Variants in FRMD4B observed in about 807,000 individuals in gnomAD.
The protein encoded by FRMD4B is FERM domain containing 4B.
FRMD4B carries 74 observed loss-of-function variants against 141.5 expected under a neutral mutation model. The ratio of observed to expected loss-of-function variants is 0.52; its 90% CI spans 0.43 to 0.63. The LOEUF (loss-of-function observed/expected upper bound fraction) is 0.63, where lower values mean the gene tolerates loss of function less well. FRMD4B is among the 30% of genes least tolerant of loss of function. The pLI is 0.00. For missense variants in FRMD4B, 1,366 were observed against 1,253.4 expected (o/e 1.09, Z -1.36); for synonymous variants, 506 against 467.9 (o/e 1.08, Z -1.05).
intron 2 of FRMD4B, among the ~76,000 whole-genome samples, chr3:69,391,355 T>C (rs1704379213): frequency 6.6e-6 from 1 of 151,788 alleles, no homozygotes; most frequent in African/African-American, 2.4e-5. Context: ...CCCATTAACT[T>C]GTCCTTTACA....
Position 69,317,799 on chromosome 3 carries a change from G to A in FRMD4B, c.163-4282C>T, listed in dbSNP as rs1229422717. On this transcript the variant is annotated intron_variant, in intron 1 of 22. Transcript: ENST00000398540. Reference sequence around the variant, plus strand: ...AAAAAGGAGGCAAGAGAAATCATGCGGCCTAAGAAGACAAGCTTAACAGAT... The same window carrying A: ...AAAAAGGAGGCAAGAGAAATCATGCAGCCTAAGAAGACAAGCTTAACAGAT... 2.0e-5 allele frequency among the ~76,000 whole-genome samples: 3 copies of A among 149,202 alleles called. No homozygotes were observed. In the Admixed American group the frequency reaches 2.0e-4, roughly 10 times the overall value.
At chr3:69,412,764 G>T (rs1299348610) in intron 2 of FRMD4B, among the ~76,000 whole-genome samples, 2 of 151,426 alleles carry the variant, frequency 1.3e-5, no homozygotes, top group Non-Finnish European at 2.9e-5. Flanking sequence ...GTCATGTTGA[G>T]TGCTAAAGCT....
intron 1 of FRMD4B, among the ~76,000 whole-genome samples, chr3:69,381,667 G>A (rs1704123679): frequency 6.6e-6 from 1 of 152,174 alleles, no homozygotes; most frequent in African/African-American, 2.4e-5. Context: ...GGATAGCAAA[G>A]GGGTAATCTT....
At chr3:69,505,916 G>GAT (rs942267338) in intron 1 of FRMD4B, among the ~76,000 whole-genome samples, 3 of 152,156 alleles carry the variant, frequency 2.0e-5, no homozygotes, top group Non-Finnish European at 4.4e-5. Flanking sequence ...GTGAATCCTG[G>GAT]ATAATGTTTA....
intron 1 of FRMD4B, among the ~76,000 whole-genome samples, chr3:69,511,841 T>G (rs1706694595): frequency 6.6e-6 from 1 of 152,218 alleles, no homozygotes; most frequent in Non-Finnish European, 1.5e-5. Flanking sequence ...CCTGCACAGG[T>G]GTTTTCCCTC....
chr3:69,530,930 G>A (rs1434072638), intron 1 of FRMD4B, among the ~76,000 whole-genome samples: 6 of 152,130 alleles, frequency 3.9e-5, no homozygotes, highest in Non-Finnish European at 7.3e-5. Context: ...CCCTTACCTG[G>A]GCAAAGGCTT....
chr3:69,305,613 A>G (rs1251946962), intron 3 of FRMD4B, among the ~76,000 whole-genome samples: 1 of 152,172 alleles, frequency 6.6e-6, no homozygotes, highest in East Asian at 1.9e-4. Context: ...AATAGGCTAG[A>G]CATGGTGGCT....
At chr3:69,341,317 G>A (rs1405710894) in intron 1 of FRMD4B, among the ~76,000 whole-genome samples, 1 of 152,178 alleles carries the variant, frequency 6.6e-6, no homozygotes, top group Admixed American at 6.5e-5. Context: ...ATCCCCTAAA[G>A]CCAGATGACT....
At chr3:69,346,905 A>C (rs1003302900) in intron 1 of FRMD4B, among the ~76,000 whole-genome samples, 27 of 152,358 alleles carry the variant, frequency 1.8e-4, no homozygotes, top group Admixed American at 3.3e-4. Flanking sequence ...CATCGAGGCT[A>C]GGAAGAAACT....
chr3:69,222,008 G>T, intron 8 of FRMD4B, 85 bp from the exon 9 acceptor site: 1 of 758,142 alleles, frequency 1.3e-6, no homozygotes, highest in South Asian at 1.5e-5. Context: ...GTGGCTGTCA[G>T]GAAACTTGAG....
At chr3:69,398,224 G>C (rs1485794878) in intron 2 of FRMD4B, among the ~76,000 whole-genome samples, 3 of 151,952 alleles carry the variant, frequency 2.0e-5, no homozygotes, top group Admixed American at 2.0e-4. Context: ...TTTTCTTTCT[G>C]TTTTTCTGTA....
intron 1 of FRMD4B, among the ~76,000 whole-genome samples, chr3:69,485,478 C>G (rs28405165): frequency 0.61 from 93,053 of 152,104 alleles, 29,150 homozygotes; most frequent in African/African-American, 0.74. Flanking sequence ...AGGAGAACAG[C>G]GTTCCTGCCT....
chr3:69,383,961 TTTTTTTA>T (rs1704187180), intron 1 of FRMD4B, among the ~76,000 whole-genome samples: 1 of 151,982 alleles, frequency 6.6e-6, no homozygotes, highest in Non-Finnish European at 1.5e-5. Context: ...GGACTTATTT[TTTTTTTA>T]TTTTTTATTT....
chr3:69,535,906 T>G, intron 1 of FRMD4B: 2 of 417,702 alleles, frequency 4.8e-6, no homozygotes, highest in Admixed American at 5.8e-5. Context: ...TTGCTGACAG[T>G]GGGTTTTGAA....
chr3:69,348,095 T>A (rs1488308829), intron 1 of FRMD4B, among the ~76,000 whole-genome samples: 2 of 151,460 alleles, frequency 1.3e-5, no homozygotes, highest in African/African-American at 4.9e-5. Context: ...GCAAGACTAA[T>A]AAAGAAGAAA....
chr3:69,292,623 C>T (rs1700907536), intron 4 of FRMD4B, among the ~76,000 whole-genome samples: 1 of 152,194 alleles, frequency 6.6e-6, no homozygotes, highest in African/African-American at 2.4e-5. Flanking sequence ...ATCCACAATT[C>T]CATCTCTCCC....
intron 1 of FRMD4B, among the ~76,000 whole-genome samples, chr3:69,344,105 T>C (rs1034451562): frequency 4.6e-5 from 7 of 152,182 alleles, no homozygotes; most frequent in African/African-American, 1.7e-4. Flanking sequence ...AGTGTCAAAT[T>C]TCAATCTAAG....
chr3:69,279,910 C>T (rs2093637092), intron 5 of FRMD4B, among the ~76,000 whole-genome samples: 1 of 151,906 alleles, frequency 6.6e-6, no homozygotes, highest in Non-Finnish European at 1.5e-5. Context: ...TCTGTCTTTT[C>T]ATTATTACCA....
intron 1 of FRMD4B, among the ~76,000 whole-genome samples, chr3:69,455,289 T>G (rs141700650): frequency 6.6e-6 from 1 of 152,354 alleles, no homozygotes; most frequent in Admixed American, 6.5e-5. Flanking sequence ...CAGGTCTGTT[T>G]ACATAATGTG....
Sources: allele counts gnomAD v4.1 joint callset (sites outside exome capture counted in the v4.1 genomes callset), GRCh38; gene constraint gnomAD v4.1.1; transcripts MANE v1.5; gene names NCBI Gene and HGNC (gene_info 2026-07-23, HGNC 2026-07-21).